ABCC5: variants seen among roughly 807,000 people sequenced by gnomAD.
ABCC5 encodes the protein ATP binding cassette subfamily C member 5, also known as ATP-binding cassette sub-family C member 5.
A neutral mutation model predicts 160.9 loss-of-function variants in ABCC5; 61 were observed. The ratio of observed to expected loss-of-function variants is 0.38; its 90% CI spans 0.31 to 0.47. ABCC5 has a LOEUF of 0.47. Ranked by LOEUF, ABCC5 falls within the 20% of genes least tolerant of loss-of-function variation. ABCC5 has a pLI of 0.99. For missense variants in ABCC5, 1,308 were observed against 1,813.3 expected (o/e 0.72, Z 5.06); for synonymous variants, 666 against 700.6 (o/e 0.95, Z 0.78).
intron 10 of ABCC5, 192 bp from the exon 11 acceptor site, chr3:183,972,111 TCAAGAGGTCCAGGG>T: frequency 9.0e-7 from 1 of 1,111,442 alleles, no homozygotes; most frequent in Non-Finnish European, 1.3e-6. Flanking sequence ...TGGGGCAACC[TCAAGAGGTCCAGGG>T]GCCTTATCAA....
intron 2 of ABCC5, among the ~76,000 whole-genome samples, chr3:184,013,023 C>T (rs1721885146): frequency 1.3e-5 from 2 of 152,198 alleles, no homozygotes; most frequent in Non-Finnish European, 2.9e-5. Flanking sequence ...AAACCTAGTC[C>T]ATTCTGCCTT....
At position 183,965,219 on chromosome 3, in the gene ABCC5, T is replaced by A. The variant is rs1235895075; in HGVS notation, c.1997A>T (p.Asp666Val). ...SVLNSCCLRP[D>V]LAILPSSDLT... ...GTCGCTGCTGGGAAGAATGGCCAGG[T>A]CAGGCCTCAGGCAGCAGCTGTTCAG... is the stretch of plus-strand genomic sequence containing the variant. Residue 666 changes from aspartate (D) to valine (V), a missense_variant, in exon 14 of 30, where the codon GAC (aspartate) becomes GTC (valine). By Grantham distance (152) the Asp-to-Val change is radical. This residue lies in a region of ABCC5 where 1,142 missense variants were observed against 1,527.1 expected (regional missense o/e 0.75). Transcript: ENST00000334444. 1 of 1,614,192 alleles carries A rather than the reference T, an allele frequency of 6.2e-7. No homozygotes were observed. The highest frequency in any genetic ancestry group is 8.5e-7 in the Non-Finnish European group (1 of 1,180,028).
intron 2 of ABCC5, among the ~76,000 whole-genome samples, chr3:183,991,079 C>T (rs975913333): frequency 1.1e-4 from 16 of 151,882 alleles, no homozygotes; most frequent in African/African-American, 3.9e-4. Context: ...ATCGGTTGAG[C>T]TCAGGAGTTC....
At chr3:183,943,322 C>A (rs1425256387) in intron 24 of ABCC5, among the ~76,000 whole-genome samples, 1 of 152,156 alleles carries the variant, frequency 6.6e-6, no homozygotes, top group Non-Finnish European at 1.5e-5. Context: ...TGGCTTAAAT[C>A]CAAAGGAAGA....
chr3:183,951,790 G>C lies in ABCC5; in HGVS notation c.2814+67C>G, dbSNP rs1452604876. 2.7e-5 allele frequency: 42 copies of C among 1,576,846 alleles called. No homozygotes were observed. Among genetic ancestry groups the C allele is most frequent in the African/African-American group, 5.4e-5 (4 of 74,438 alleles). On this transcript the variant is annotated intron_variant, in intron 19 of 29. Coordinates refer to ENST00000334444, the MANE Select transcript of ABCC5 (RefSeq NM_005688.4). This position sits in a 1 kb window ranked among gnomAD's most constrained non-coding sequence, Gnocchi z 4.7. ...CTCCCCTACTCAGCATGAACTGAGA[G>C]ACGCCACACCAAAGCCTGACCACAG...
At chr3:184,010,359 A>G (rs901867565) in intron 2 of ABCC5, 3 of 152,342 alleles carry the variant, frequency 2.0e-5, no homozygotes, top group Non-Finnish European at 2.9e-5. Context: ...AAATTTTATA[A>G]AAGTGGTATT....
At chr3:183,955,309 G>A (rs2108802826) in intron 17 of ABCC5, among the ~76,000 whole-genome samples, 1 of 152,234 alleles carries the variant, frequency 6.6e-6, no homozygotes, top group East Asian at 1.9e-4. Flanking sequence ...GTTGGAATTA[G>A]GTATCTTACA....
At chr3:183,946,240 C>T (rs1714827721) in intron 23 of ABCC5, among the ~76,000 whole-genome samples, 1 of 152,144 alleles carries the variant, frequency 6.6e-6, no homozygotes, top group South Asian at 2.1e-4. Context: ...TCTGGACTTC[C>T]TACTTGTATC....
intron 26 of ABCC5, among the ~76,000 whole-genome samples, chr3:183,933,373 C>T (rs567562143): frequency 6.6e-6 from 1 of 152,128 alleles, no homozygotes; most frequent in South Asian, 2.1e-4. Flanking sequence ...TCAGCCTAGC[C>T]AGGCTCCAGA....
chr3:183,942,631 A>G (rs757280634), intron 25 of ABCC5, 96 bp downstream of exon 25: 19 of 1,481,384 alleles, frequency 1.3e-5, no homozygotes, highest in Non-Finnish European at 1.7e-5. Context: ...CTAATTGCTC[A>G]TCAAACAAAC....
chr3:184,007,728 G>A (rs1721348783), intron 2 of ABCC5, among the ~76,000 whole-genome samples: 1 of 152,156 alleles, frequency 6.6e-6, no homozygotes, highest in African/African-American at 2.4e-5. Flanking sequence ...TTGGGAGACT[G>A]AGAGAGGAGA....
At position 184,013,929 on chromosome 3, in the gene ABCC5, G is replaced by A. The variant is rs139717502; in HGVS notation, c.129+335C>T. Among the ~76,000 whole-genome samples, 701 of 152,316 alleles carry A rather than the reference G, an allele frequency of 4.6e-3. 2 individuals are homozygous for A. The highest frequency in any genetic ancestry group is 7.6e-3 in the Non-Finnish European group (518 of 68,032). On this transcript the variant is annotated intron_variant, in intron 2 of 29. Transcript: ENST00000334444. ...GCTCTATCGCCCAGGCTGGAGTGCA[G>A]TGGCATGATCCCAGCTCACTGCAAC... is the stretch of plus-strand genomic sequence containing the variant.
intron 27 of ABCC5, 124 bp from the exon 28 acceptor site, chr3:183,927,567 T>C (rs1479618565): frequency 1.4e-6 from 2 of 1,447,744 alleles, no homozygotes; most frequent in Non-Finnish European, 9.1e-7. Context: ...ACCTGTCTCA[T>C]CTGGAATGAA....
At chr3:183,925,801 T>A in intron 28 of ABCC5, 82 bp from the exon 29 acceptor site, 1 of 1,366,132 alleles carries the variant, frequency 7.3e-7, no homozygotes, top group Non-Finnish European at 9.9e-7. Flanking sequence ...AAAATGTATT[T>A]CATTTAAGTT....
intron 2 of ABCC5, among the ~76,000 whole-genome samples, chr3:184,003,662 A>G (rs1720937741): frequency 6.6e-6 from 1 of 152,212 alleles, no homozygotes; most frequent in East Asian, 1.9e-4. Context: ...ATGATCAGCT[A>G]GCAATACAAT....
At chr3:183,931,775 A>C (rs1480488804) in intron 26 of ABCC5, among the ~76,000 whole-genome samples, 1 of 152,242 alleles carries the variant, frequency 6.6e-6, no homozygotes, top group Admixed American at 6.5e-5. Context: ...ACCAACCTCA[A>C]CAGGGAGCTC....
rs2108867156 is a variant in ABCC5, at chr3:183,988,437, A to G, written c.443+135T>C. ...GAGATAAAGCAAAAGAGCAAAGAGA[A>G]AGTCATCCCCAGGCCGCCCGCCCTC... On this transcript the variant is annotated intron_variant, in intron 4 of 29. Transcript: ENST00000334444. This position sits in a 1 kb window ranked among gnomAD's most constrained non-coding sequence, Gnocchi z 4.4. The G allele has an allele frequency of 9.6e-7, 1 of 1,044,572 alleles. No homozygotes were observed. The highest frequency in any genetic ancestry group is 2.5e-5 in the East Asian group (1 of 40,308). The allele number at this position is 1,044,572 out of a possible 1,614,324, so 64.7% of individuals were successfully genotyped here. A position where few individuals can be genotyped will look rare whatever the true frequency, so the allele number is the denominator to read the frequency against.
intron 2 of ABCC5, among the ~76,000 whole-genome samples, chr3:183,992,103 T>C (rs948510861): frequency 6.6e-6 from 1 of 152,262 alleles, no homozygotes; most frequent in Non-Finnish European, 1.5e-5. Context: ...ACTGACATCA[T>C]GTATACATGC....
chr3:183,935,087 C>G (rs952826972), intron 26 of ABCC5, among the ~76,000 whole-genome samples: 1 of 151,968 alleles, frequency 6.6e-6, no homozygotes, highest in African/African-American at 2.4e-5. Flanking sequence ...TGGGAAGAGC[C>G]AGGCTGGTCT....
Sources: allele counts gnomAD v4.1 joint callset (sites outside exome capture counted in the v4.1 genomes callset), GRCh38; gene constraint gnomAD v4.1.1; regional missense constraint gnomAD v4.1.1; non-coding constraint Gnocchi (gnomAD v3.1); transcripts MANE v1.5; gene names NCBI Gene and HGNC (gene_info 2026-07-23, HGNC 2026-07-21).